The following PCSK5 variants were observed in gnomAD, a reference collection of about 807,000 sequenced individuals.
PCSK5 encodes prohormone convertase 5.
Under a neutral mutation model 233.2 loss-of-function variants are expected in PCSK5, and 129 were observed. The observed-to-expected ratio is 0.55, with a 90% CI of 0.48 to 0.64. The LOEUF is 0.64. PCSK5 is among the 30% of genes least tolerant of loss of function. The probability of loss-of-function intolerance (pLI) is 0.00; values close to 1 mark genes in which losing one functional copy is unlikely to be tolerated. For missense variants in PCSK5, 2,076 were observed against 2,430.1 expected (o/e 0.85, Z 3.06); for synonymous variants, 825 against 879.2 (o/e 0.94, Z 1.09).
intron 24 of PCSK5, among the ~76,000 whole-genome samples, chr9:76,243,726 A>C (rs924247278): frequency 1.6e-4 from 24 of 152,092 alleles, no homozygotes; most frequent in Non-Finnish European, 2.6e-4. Flanking sequence ...TCTTTGACTT[A>C]TATGCTCTGA....
chr9:76,347,386 T>C (rs1830006114), intron 35 of PCSK5, among the ~76,000 whole-genome samples: 1 of 152,154 alleles, frequency 6.6e-6, no homozygotes, highest in Non-Finnish European at 1.5e-5. Context: ...ATGTAGGGTG[T>C]TAAACTTTAA....
intron 30 of PCSK5, among the ~76,000 whole-genome samples, chr9:76,315,928 G>GTTTTTTTTTTTTT (rs71499141): frequency 1.7e-3 from 158 of 91,764 alleles, no homozygotes; most frequent in Non-Finnish European, 2.2e-3. Context: ...CACTTCAAGG[G>GTTTTTTTTTTTTT]TTTTTTTTTT....
chr9:75,902,906 G>A lies in PCSK5; in HGVS notation c.192+11533G>A, dbSNP rs138702513. Among the ~76,000 whole-genome samples, 751 of 152,246 alleles carry A rather than the reference G, an allele frequency of 4.9e-3. 3 individuals are homozygous for A. Among genetic ancestry groups the A allele is most frequent in the Non-Finnish European group, 8.3e-3 (563 of 68,012 alleles). ...ATATTTGGTTTAAAAACTGAAGATC[G>A]TGTTGAACACTGAATATAGAGGGGA... On this transcript the variant is annotated intron_variant, in intron 1 of 37. Coordinates refer to ENST00000674117, the MANE Select transcript of PCSK5 (RefSeq NM_001372043.1).
At chr9:76,286,102 G>A (rs1418353038) in intron 24 of PCSK5, among the ~76,000 whole-genome samples, 1 of 152,162 alleles carries the variant, frequency 6.6e-6, no homozygotes, top group Non-Finnish European at 1.5e-5. Flanking sequence ...ATACCCAGTG[G>A]ACATAAATGT....
chr9:76,295,079 G>A (rs137992381), intron 25 of PCSK5, among the ~76,000 whole-genome samples, 196 bp from the exon 26 acceptor site: 9 of 152,200 alleles, frequency 5.9e-5, no homozygotes, highest in East Asian at 3.9e-4. Flanking sequence ...ACTTGAGCCC[G>A]GGAGACAGAA....
At chr9:76,355,151 A>C (rs1324226881) in intron 37 of PCSK5, among the ~76,000 whole-genome samples, 1 of 152,180 alleles carries the variant, frequency 6.6e-6, no homozygotes, top group Non-Finnish European at 1.5e-5. Context: ...AAACTTAGAA[A>C]GATCTCAAAC....
chr9:76,021,642 G>A (rs1398492884), intron 3 of PCSK5, among the ~76,000 whole-genome samples: 4 of 152,030 alleles, frequency 2.6e-5, no homozygotes, highest in African/African-American at 9.7e-5. Context: ...AAAAACATGG[G>A]TGCACCCTTT....
intron 20 of PCSK5, among the ~76,000 whole-genome samples, chr9:76,210,083 C>A (rs1213076628): frequency 5.3e-5 from 8 of 152,108 alleles, no homozygotes; most frequent in Non-Finnish European, 1.0e-4. Flanking sequence ...CTTAGTTGAC[C>A]TCAACAGCAG....
At chr9:76,154,686 G>C (rs931128194) in intron 10 of PCSK5, among the ~76,000 whole-genome samples, 1 of 152,174 alleles carries the variant, frequency 6.6e-6, no homozygotes, top group Non-Finnish European at 1.5e-5. Context: ...GGACTGATCG[G>C]AGGTAGAGCT....
Position 76,010,016 on chromosome 9 carries a change from A to C in PCSK5, c.412-13722A>C, listed in dbSNP as rs192228901. On this transcript the variant is annotated intron_variant, in intron 3 of 37. Coordinates refer to ENST00000674117, the MANE Select transcript of PCSK5 (RefSeq NM_001372043.1). ...TATACCAGTGACCCAGTTTTAGCCA[A>C]ATAACAACTACCGATGAAGTTGATA... is the stretch of plus-strand genomic sequence containing the variant. 3.4e-4 allele frequency among the ~76,000 whole-genome samples: 52 copies of C among 152,282 alleles called. No homozygotes were observed. The East Asian group carries it at 7.9e-3, about 23-fold the overall frequency.
At chr9:76,209,247 T>C (rs966547660) in intron 20 of PCSK5, among the ~76,000 whole-genome samples, 5 of 152,208 alleles carry the variant, frequency 3.3e-5, no homozygotes, top group Non-Finnish European at 5.9e-5. Flanking sequence ...TCTTTTGAGT[T>C]ATATTGTTGT....
intron 20 of PCSK5, chr9:76,193,310 T>G: frequency 6.2e-7 from 1 of 1,613,070 alleles, no homozygotes; most frequent in Non-Finnish European, 8.5e-7. Flanking sequence ...AACGGAAGGT[T>G]CTTCAACAAC....
At chr9:75,904,509 G>A (rs1259519045) in intron 1 of PCSK5, among the ~76,000 whole-genome samples, 1 of 152,164 alleles carries the variant, frequency 6.6e-6, no homozygotes, top group Non-Finnish European at 1.5e-5. Context: ...AAGCACATAT[G>A]CAAATGGGCA....
chr9:76,200,289 C>T (rs890463216), intron 20 of PCSK5, among the ~76,000 whole-genome samples: 1 of 152,204 alleles, frequency 6.6e-6, no homozygotes, highest in Non-Finnish European at 1.5e-5. Flanking sequence ...TTCTTTTCAT[C>T]CTTCAAACAA....
In PCSK5 at chr9:76,112,495, C is replaced by T. The variant is rs1295034828; in HGVS notation, c.1208+5144C>T. The stretch of plus-strand genomic sequence containing the variant: ...AGCTGCCTCTGGTATCTTATATATA[C>T]ACAGACATATACACATTCACATGTT... On this transcript the variant is annotated intron_variant, in intron 9 of 37. Coordinates refer to ENST00000674117, the MANE Select transcript of PCSK5 (RefSeq NM_001372043.1). 5.3e-5 allele frequency among the ~76,000 whole-genome samples: 8 copies of T among 152,138 alleles called. No individual in the cohort carries two copies. In the East Asian group the frequency reaches 1.5e-3, roughly 29 times the overall value.
chr9:76,322,541 C>T (rs1188822048), intron 31 of PCSK5, among the ~76,000 whole-genome samples: 1 of 152,080 alleles, frequency 6.6e-6, no homozygotes, highest in Non-Finnish European at 1.5e-5. Context: ...AGGATTCCCC[C>T]CAAAGTAAGA....
At chr9:76,136,548 G>A (rs372038737) in intron 10 of PCSK5, among the ~76,000 whole-genome samples, 12 of 152,000 alleles carry the variant, frequency 7.9e-5, no homozygotes, top group South Asian at 6.2e-4. Flanking sequence ...CTGGGAAAAC[G>A]GAAGTTGCCT....
chr9:76,056,266 G>A (rs775063992), intron 5 of PCSK5, among the ~76,000 whole-genome samples: 5 of 152,126 alleles, frequency 3.3e-5, no homozygotes, highest in Non-Finnish European at 5.9e-5. Flanking sequence ...GACCCCCTTT[G>A]TGTGACCTGA....
chr9:76,355,303 T>G (rs974532586), intron 37 of PCSK5, among the ~76,000 whole-genome samples: 1 of 152,044 alleles, frequency 6.6e-6, no homozygotes, highest in African/African-American at 2.4e-5. Context: ...AAACCCTGTC[T>G]CTACTAAAAA....
Sources: allele counts gnomAD v4.1 joint callset (sites outside exome capture counted in the v4.1 genomes callset), GRCh38; gene constraint gnomAD v4.1.1; transcripts MANE v1.5; gene names NCBI Gene and HGNC (gene_info 2026-07-23, HGNC 2026-07-21).